ITPR2: variants seen among roughly 807,000 people sequenced by gnomAD.
ITPR2 encodes inositol 1,4,5-trisphosphate-gated calcium channel ITPR2.
ITPR2 carries 207 observed loss-of-function variants against 317.1 expected under a neutral mutation model. The observed-to-expected ratio is 0.65, with a 90% CI of 0.58 to 0.73. The LOEUF (loss-of-function observed/expected upper bound fraction) is 0.73, where lower values mean the gene tolerates loss of function less well. Among genes scored for constraint, ITPR2 ranks in the 30% least tolerant of loss-of-function variants. The pLI, the probability that ITPR2 is intolerant of heterozygous loss-of-function variation, is 0.00. For synonymous variants in ITPR2, 1,156 were observed against 1,149.1 expected (o/e 1.01, Z -0.12); for missense variants, 2,613 against 3,284.0 (o/e 0.80, Z 4.99).
chr12:26,507,360 G>A (rs1360437832), intron 37 of ITPR2, among the ~76,000 whole-genome samples: 1 of 152,124 alleles, frequency 6.6e-6, no homozygotes. Context: ...ACCTTAGAAA[G>A]GGTCTTTTTA....
At chr12:26,387,009 A>G (rs1327315082) in intron 55 of ITPR2, among the ~76,000 whole-genome samples, 4 of 152,290 alleles carry the variant, frequency 2.6e-5, no homozygotes, top group Non-Finnish European at 2.9e-5. Flanking sequence ...ACTATCCCCA[A>G]ACACAATTCA....
intron 9 of ITPR2, among the ~76,000 whole-genome samples, chr12:26,699,611 T>A (rs1307295822): frequency 6.6e-6 from 1 of 151,922 alleles, no homozygotes; most frequent in Non-Finnish European, 1.5e-5. Context: ...AGAGATTACC[T>A]CAGTAAACTC....
In ITPR2 at chr12:26,831,759, T is replaced by C. The variant is rs1035547836; in HGVS notation, c.92+931A>G. ...ATAAATATATATTCTACATAAAATA[T>C]ATAAATATATATTCTACATAAAATA... On this transcript the variant is annotated intron_variant, in intron 1 of 56. Transcript: ENST00000381340. This position sits in a 1 kb window ranked among gnomAD's most constrained non-coding sequence, Gnocchi z 4.9. 8.2e-6 allele frequency among the ~76,000 whole-genome samples: 1 copy of C among 122,578 alleles called. No individual in the cohort carries two copies. Among genetic ancestry groups the C allele is most frequent in the Non-Finnish European group, 1.8e-5 (1 of 56,328 alleles). 80.4% of individuals were successfully genotyped at this position (122,578 alleles called of 152,430 possible). A position where few individuals can be genotyped will look rare whatever the true frequency, so the allele number is the denominator to read the frequency against.
chr12:26,566,875 A>T (rs1944998446), intron 34 of ITPR2, among the ~76,000 whole-genome samples: 2 of 152,180 alleles, frequency 1.3e-5, no homozygotes, highest in Admixed American at 6.6e-5. Flanking sequence ...GCCAAACAGC[A>T]CATAGTTTTA....
intron 13 of ITPR2, among the ~76,000 whole-genome samples, chr12:26,672,106 T>A (rs908205957): frequency 4.6e-5 from 7 of 152,280 alleles, no homozygotes; most frequent in African/African-American, 1.7e-4. Flanking sequence ...TAATGGGAGA[T>A]GTTAACACCC....
At chr12:26,418,545 T>C (rs186040458) in intron 50 of ITPR2, among the ~76,000 whole-genome samples, 2 of 152,312 alleles carry the variant, frequency 1.3e-5, no homozygotes, top group East Asian at 3.9e-4. Context: ...CAAGGACATA[T>C]TAAACCAAAA....
At chr12:26,358,455 T>C (rs1427374805) in intron 55 of ITPR2, among the ~76,000 whole-genome samples, 5 of 152,090 alleles carry the variant, frequency 3.3e-5, no homozygotes, top group African/African-American at 1.2e-4. Context: ...CCTTGAGCCT[T>C]GAGCATGAAA....
At chr12:26,482,353 T>C (rs535955420) in intron 42 of ITPR2, among the ~76,000 whole-genome samples, 7 of 152,342 alleles carry the variant, frequency 4.6e-5, no homozygotes, top group African/African-American at 1.7e-4. Context: ...AAATTAGCTT[T>C]TACTTTTAGA....
intron 10 of ITPR2, among the ~76,000 whole-genome samples, chr12:26,691,371 C>T (rs553715951): frequency 2.6e-5 from 4 of 152,200 alleles, no homozygotes; most frequent in South Asian, 2.1e-4. Context: ...ATCACAGAAG[C>T]GCAACGCCCT....
chr12:26,639,553 T>C lies in ITPR2; in HGVS notation c.2741-7494A>G, dbSNP rs1038168287. Among the ~76,000 whole-genome samples, 4 of 152,008 alleles carry C rather than the reference T, an allele frequency of 2.6e-5. No homozygotes were observed. In the South Asian group the frequency reaches 6.2e-4, roughly 24 times the overall value. ...GTTACATATGTATACATGTGCCATGTTGGTGTGCTGCACCCAGTAACTCGT... is the reference window on the plus strand; with the variant it reads ...GTTACATATGTATACATGTGCCATGCTGGTGTGCTGCACCCAGTAACTCGT... On this transcript the variant is annotated intron_variant, in intron 21 of 56. Coordinates refer to ENST00000381340, the MANE Select transcript of ITPR2 (RefSeq NM_002223.4).
rs150232174 is a variant in ITPR2, at chr12:26,335,412, G to A, written c.*3985C>T. On this transcript the variant is annotated 3_prime_UTR_variant, in exon 57 of 57. Coordinates refer to ENST00000381340, the MANE Select transcript of ITPR2 (RefSeq NM_002223.4). ...AATTATCTGCCCTTGTCATATATTG[G>A]AATCGTGTTTTTTAGGCAAATATAA... 2.0e-3 allele frequency among the ~76,000 whole-genome samples: 302 copies of A among 152,240 alleles called. No homozygotes were observed. The highest frequency in any genetic ancestry group is 3.2e-3 in the Non-Finnish European group (221 of 68,016).
At position 26,338,554 on chromosome 12, in the gene ITPR2, A is replaced by T. The variant is rs2136535663; in HGVS notation, c.*843T>A. On this transcript the variant is annotated 3_prime_UTR_variant, in exon 57 of 57. Transcript: ENST00000381340. ...ATTCCTATCACTTTTAAGCATTTTC[A>T]TGTATTAATCTCAATATATTTTAAT... 6.6e-6 allele frequency: 1 copy of T among 152,552 alleles called. No individual in the cohort carries two copies. The allele number at this position is 152,552 out of a possible 1,614,324, so 9.4% of individuals were successfully genotyped here.
rs1230948121 is a variant in ITPR2 at position 26,578,805 on chromosome 12, A to C, written c.4538T>G (p.Leu1513Arg). The C allele has an allele frequency of 6.2e-7, 1 of 1,609,896 alleles. No individual in the cohort carries two copies. The stretch of plus-strand genomic sequence containing the variant: ...ATTGTAAATTCTGAAGGCAGATTGC[A>C]GTAGCTGAATAAAAACTGGCTGATG... The part of the protein sequence containing the change: ...QTHQPVFIQL[L>R]QSAFRIYNCT... Residue 1513 changes from leucine to arginine, a missense_variant, in exon 34 of 57, where the codon CTG becomes CGG. Leu to Arg is a moderately radical substitution (Grantham distance 102). This residue lies in a region of ITPR2 where 926 missense variants were observed against 1,072.8 expected (regional missense o/e 0.86). Transcript: ENST00000381340.
intron 21 of ITPR2, among the ~76,000 whole-genome samples, chr12:26,633,241 T>C (rs1946793642): frequency 6.6e-6 from 1 of 151,920 alleles, no homozygotes; most frequent in African/African-American, 2.4e-5. Context: ...ATGTAAAAGA[T>C]GACAAGAGAA....
rs1250026250 is a variant in ITPR2 at position 26,337,697 on chromosome 12, T to C, written c.*1700A>G. ...CAAAATTTCTTATATCTTTGGATCA[T>C]GAATGTCAGGGTCTTTCAGCTCCTG... On this transcript the variant is annotated 3_prime_UTR_variant, in exon 57 of 57. Transcript: ENST00000381340. 1 of 152,212 alleles carries C rather than the reference T, an allele frequency of 6.6e-6. No individual in the cohort carries two copies. Among genetic ancestry groups the C allele is most frequent in the Non-Finnish European group, 1.5e-5 (1 of 68,034 alleles). 9.4% of individuals were successfully genotyped at this position (152,212 alleles called of 1,614,324 possible). A position where few individuals can be genotyped will look rare whatever the true frequency, so the allele number is the denominator to read the frequency against.
chr12:26,481,326 C>T (rs1421098185), intron 42 of ITPR2, 85 bp from the exon 43 acceptor site: 1 of 766,648 alleles, frequency 1.3e-6, no homozygotes, highest in African/African-American at 1.8e-5. Flanking sequence ...AACATAATCA[C>T]CTTAATTTTT....
intron 37 of ITPR2, among the ~76,000 whole-genome samples, chr12:26,522,041 A>G (rs1943680357): frequency 6.6e-6 from 1 of 152,186 alleles, no homozygotes; most frequent in Admixed American, 6.5e-5. Flanking sequence ...CAGACACAGA[A>G]TATTTTATGT....
intron 54 of ITPR2, among the ~76,000 whole-genome samples, chr12:26,393,384 T>C (rs937205588): frequency 2.0e-5 from 3 of 152,166 alleles, no homozygotes; most frequent in Non-Finnish European, 4.4e-5. Flanking sequence ...AATTATATCA[T>C]TTGTGTGGTT....
chr12:26,665,847 G>T, intron 14 of ITPR2, 63 bp downstream of exon 14: 1 of 1,391,432 alleles, frequency 7.2e-7, no homozygotes, highest in Non-Finnish European at 1.0e-6. Flanking sequence ...CTAATACAAG[G>T]CCTTTCCTGA....
Sources: allele counts gnomAD v4.1 joint callset (sites outside exome capture counted in the v4.1 genomes callset), GRCh38; gene constraint gnomAD v4.1.1; regional missense constraint gnomAD v4.1.1; non-coding constraint Gnocchi (gnomAD v3.1); transcripts MANE v1.5; gene names NCBI Gene and HGNC (gene_info 2026-07-23, HGNC 2026-07-21).